The following PAF1 variants were observed in gnomAD, a reference collection of about 807,000 sequenced individuals.
PAF1 encodes RNA polymerase II-associated factor 1 homolog.
A neutral mutation model predicts 68.4 loss-of-function variants in PAF1; 31 were observed. That is an observed-to-expected ratio of 0.45 (90% CI 0.34 to 0.61). The LOEUF is 0.61. PAF1 is among the 20% of genes least tolerant of loss of function. The probability of loss-of-function intolerance (pLI) is 0.01; values close to 1 mark genes in which losing one functional copy is unlikely to be tolerated. For synonymous variants in PAF1, 256 were observed against 240.5 expected, an observed-to-expected ratio of 1.06 and a Z score of -0.60; for missense variants, 435 against 692.9, an observed-to-expected ratio of 0.63 and a Z score of 4.18.
chr19:39,389,913 T>A lies in PAF1; in HGVS notation c.171-152A>T. 1.8e-6 allele frequency: 2 copies of A among 1,134,906 alleles called. No homozygotes were observed. The highest frequency in any genetic ancestry group is 4.7e-5 in the East Asian group (2 of 42,602). The allele number at this position is 1,134,906 out of a possible 1,614,324, so 70.3% of individuals were successfully genotyped here. The stretch of plus-strand genomic sequence containing the variant: ...AGCTGGCTCCCCAGTGGGAAGGGAC[T>A]TGGACACTGCTTGCTCCATTAACAA... On this transcript the variant is annotated intron_variant, in intron 3 of 13. Transcript: ENST00000221265. This position sits in a 1 kb window ranked among gnomAD's most constrained non-coding sequence, Gnocchi z 5.3.
rs752590114 is a variant in PAF1, at chr19:39,389,728, T to C, written c.204A>G (p.Lys68=). Residue 68 remains lysine, a synonymous_variant, in exon 4 of 14, where the codon AAA becomes AAG. Coordinates refer to ENST00000221265, the MANE Select transcript of PAF1 (RefSeq NM_019088.4). This position sits in a 1 kb window ranked among gnomAD's most constrained non-coding sequence, Gnocchi z 5.3. ...FVQYKATSLE[K]QHKHDLLTEP... Reference sequence around the variant, plus strand: ...CAGTCAGGAGGTCATGTTTGTGCTGTTTCTCCAAGGAAGTGGCTTTGTACT... The same window carrying C: ...CAGTCAGGAGGTCATGTTTGTGCTGCTTCTCCAAGGAAGTGGCTTTGTACT... 2 of 1,614,104 alleles carry C rather than the reference T, an allele frequency of 1.2e-6. No homozygotes were observed. The highest frequency in any genetic ancestry group is 1.7e-6 in the Non-Finnish European group (2 of 1,179,988).
At position 39,389,782 on chromosome 19, in the gene PAF1, T is replaced by C. The variant is rs1568375091; in HGVS notation, c.171-21A>G. The stretch of plus-strand genomic sequence containing the variant: ...CGAACCTGGGTGGGGAAACACCTAT[T>C]GTGGTGTTTGGATTCCAGCTTCACC... On this transcript the variant is annotated intron_variant, in intron 3 of 13. Coordinates refer to ENST00000221265, the MANE Select transcript of PAF1 (RefSeq NM_019088.4). This position sits in a 1 kb window ranked among gnomAD's most constrained non-coding sequence, Gnocchi z 5.3. 6 of 1,613,722 alleles carry C rather than the reference T, an allele frequency of 3.7e-6. No individual in the cohort carries two copies. Among genetic ancestry groups the C allele is most frequent in the Non-Finnish European group, 5.1e-6 (6 of 1,179,856 alleles).
Position 39,386,651 on chromosome 19 carries a change from A to G in PAF1, c.1092+43T>C. The G allele has an allele frequency of 6.3e-7, 1 of 1,598,424 alleles. No individual in the cohort carries two copies. Among genetic ancestry groups the G allele is most frequent in the Non-Finnish European group, 8.6e-7 (1 of 1,166,130 alleles). ...GTCCCCCTCCTCACCTACAACCACCACCCTCCCTGCCATGGGTGCCCTGAG... is the reference window on the plus strand; with the variant it reads ...GTCCCCCTCCTCACCTACAACCACCGCCCTCCCTGCCATGGGTGCCCTGAG... On this transcript the variant is annotated intron_variant, in intron 12 of 13. Transcript: ENST00000221265. This position sits in a 1 kb window ranked among gnomAD's most constrained non-coding sequence, Gnocchi z 6.1.
intron 11 of PAF1, chr19:39,387,241 T>C (rs1198463271): frequency 4.9e-6 from 2 of 408,454 alleles, no homozygotes; most frequent in East Asian, 7.2e-5. Context: ...CAGGCAATTG[T>C]AATACAATAG....
chr19:39,389,694 G>A lies in PAF1; in HGVS notation c.238C>T (p.Leu80=). The A allele has an allele frequency of 1.2e-6, 2 of 1,614,174 alleles. No homozygotes were observed. The highest frequency in any genetic ancestry group is 1.7e-6 in the Non-Finnish European group (2 of 1,180,012). The change falls in exon 4 of 14, where the codon CTG becomes TTG. Residue 80 remains leucine, a synonymous_variant. Transcript: ENST00000221265. The surrounding 1 kb of genome is among the most constrained non-coding windows in gnomAD (Gnocchi z 5.3). ...HKHDLLTEPD[L]GVTIDLINPD... Reference sequence around the variant, plus strand: ...TTGATGAGATCGATGGTGACCCCCAGGTCTGGCTCAGTCAGGAGGTCATGT... The same window carrying A: ...TTGATGAGATCGATGGTGACCCCCAAGTCTGGCTCAGTCAGGAGGTCATGT...
At chr19:39,387,485 T>C (rs755137031) in intron 11 of PAF1, among the ~76,000 whole-genome samples, 1 of 152,150 alleles carries the variant, frequency 6.6e-6, no homozygotes, top group Non-Finnish European at 1.5e-5. Context: ...TGGAAGTGAA[T>C]AGTGCCCTCC....
At chr19:39,390,204 C>G in intron 2 of PAF1, 43 bp from the exon 3 acceptor site, 1 of 1,612,802 alleles carries the variant, frequency 6.2e-7, no homozygotes, top group Non-Finnish European at 8.5e-7. Flanking sequence ...CGCTGCCCCA[C>G]CTCTGCTCCC....
At chr19:39,388,142 A>G (rs2078293658) in intron 11 of PAF1, among the ~76,000 whole-genome samples, 197 bp downstream of exon 11, 1 of 152,088 alleles carries the variant, frequency 6.6e-6, no homozygotes, top group Non-Finnish European at 1.5e-5. Context: ...CTCCATCTCA[A>G]AAAAAAAGAT....
At chr19:39,388,051 G>A (rs2078291554) in intron 11 of PAF1, among the ~76,000 whole-genome samples, 1 of 152,190 alleles carries the variant, frequency 6.6e-6, no homozygotes, top group Non-Finnish European at 1.5e-5. Flanking sequence ...TGAGGCAGGA[G>A]AATCACTTGA....
rs2078317548 is a variant in PAF1 at position 39,389,141 on chromosome 19, A to G, written c.519T>C (p.Asp173=). 2 of 1,614,110 alleles carry G rather than the reference A, an allele frequency of 1.2e-6. No individual in the cohort carries two copies. The highest frequency in any genetic ancestry group is 1.7e-6 in the Non-Finnish European group (2 of 1,180,002). The part of the protein sequence containing the change: ...FTEEEIYKDR[D]SQITAIEKTF... ...TCTTCTCAATGGCTGTGATCTGGCT[A>G]TCCCTGTCTTTGTATATTTCTTCCT... Residue 173 remains aspartate, a synonymous_variant, in exon 7 of 14, where the codon GAT becomes GAC. Transcript: ENST00000221265. This position sits in a 1 kb window ranked among gnomAD's most constrained non-coding sequence, Gnocchi z 5.3.
intron 11 of PAF1, among the ~76,000 whole-genome samples, chr19:39,387,971 CTA>C (rs1000536828): frequency 6.6e-6 from 1 of 152,112 alleles, no homozygotes; most frequent in Non-Finnish European, 1.5e-5. Flanking sequence ...AACCCCATCT[CTA>C]TTAAAAATAC....
rs1029049155 is a variant in PAF1, at chr19:39,391,087, C to G, written c.-223G>C. ...GGACGGACTCGAAGCTCCGGTTCCACCAACTGCCGCCAAGACGCTGAGGAC... is the reference window on the plus strand; with the variant it reads ...GGACGGACTCGAAGCTCCGGTTCCAGCAACTGCCGCCAAGACGCTGAGGAC... On this transcript the variant is annotated 5_prime_UTR_variant, in exon 1 of 14. Transcript: ENST00000221265. 8.0e-6 allele frequency: 5 copies of G among 628,384 alleles called. No homozygotes were observed. In the African/African-American group the frequency reaches 9.2e-5, roughly 12 times the overall value. 38.9% of individuals were successfully genotyped at this position (628,384 alleles called of 1,614,324 possible).
Position 39,389,414 on chromosome 19 carries a change from C to T in PAF1, c.360-31G>A. 1.2e-6 allele frequency: 2 copies of T among 1,611,460 alleles called. No individual in the cohort carries two copies. The highest frequency in any genetic ancestry group is 1.1e-5 in the South Asian group (1 of 91,026). On this transcript the variant is annotated intron_variant, in intron 5 of 13. Transcript: ENST00000221265. The surrounding 1 kb of genome is among the most constrained non-coding windows in gnomAD (Gnocchi z 5.3). ...GTGGGAAATCAGGTATCTCAGGACC[C>T]CACTGCCCTCCTGCTTGTAGGGCCC...
intron 1 of PAF1, among the ~76,000 whole-genome samples, chr19:39,390,605 G>A (rs1194237223): frequency 1.3e-5 from 2 of 152,132 alleles, no homozygotes; most frequent in African/African-American, 2.4e-5. Context: ...GTTGACTGGA[G>A]GGATCCCTTC....
chr19:39,388,939 G>A lies in PAF1; in HGVS notation c.636+8C>T, dbSNP rs370627210. 5.5e-5 allele frequency: 89 copies of A among 1,613,870 alleles called. No individual in the cohort carries two copies. In the African/African-American group the frequency reaches 8.9e-4, roughly 16 times the overall value. On this transcript the variant is annotated splice_region_variant and intron_variant, in intron 8 of 13. Transcript: ENST00000221265. ...CTGTCCCTTTCTACCTCCCACCTTG[G>A]GCCTGACCTTAAAGTCTGGGAAGAC...
Position 39,388,687 on chromosome 19 carries a change from G to A in PAF1, c.741-11C>T, listed in dbSNP as rs1600611345. The stretch of plus-strand genomic sequence containing the variant: ...TCATCCATCATGCCCCTGGTTGGGG[G>A]AAAAGGAGTAGCAATGAAGTGTGAG... On this transcript the variant is annotated splice_polypyrimidine_tract_variant and intron_variant, in intron 9 of 13. Coordinates refer to ENST00000221265, the MANE Select transcript of PAF1 (RefSeq NM_019088.4). 6.2e-7 allele frequency: 1 copy of A among 1,612,980 alleles called. No individual in the cohort carries two copies. The highest frequency in any genetic ancestry group is 8.5e-7 in the Non-Finnish European group (1 of 1,178,940).
Position 39,389,586 on chromosome 19 carries a change from C to T in PAF1, c.293-40G>A. The T allele has an allele frequency of 1.9e-6, 3 of 1,614,120 alleles. No individual in the cohort carries two copies. The highest frequency in any genetic ancestry group is 2.2e-5 in the East Asian group (1 of 44,878). ...GGGGCAGGAGGACCATGAGGGAGGC[C>T]CAGGCCTGAGCCTTTGCTGACCTAG... On this transcript the variant is annotated intron_variant, in intron 4 of 13. Transcript: ENST00000221265. The surrounding 1 kb of genome is among the most constrained non-coding windows in gnomAD (Gnocchi z 5.3).
intron 10 of PAF1, 43 bp from the exon 11 acceptor site, chr19:39,388,510 C>G (rs1443377378): frequency 6.2e-7 from 1 of 1,612,902 alleles, no homozygotes; most frequent in Non-Finnish European, 8.5e-7. Flanking sequence ...CTTCCCTATC[C>G]CAATCCCCAA....
Position 39,390,828 on chromosome 19 carries a change from C to T in PAF1, c.37G>A (p.Asp13Asn), listed in dbSNP as rs1346498653. The T allele has an allele frequency of 1.3e-6, 2 of 1,586,128 alleles. No homozygotes were observed. Among genetic ancestry groups the T allele is most frequent in the Admixed American group, 1.8e-5 (1 of 56,010 alleles). Reference protein sequence around the residue: ...PTIQTQAQREDGHRPNSHRTL... With the variant: ...PTIQTQAQRENGHRPNSHRTL... ...AAGCGTGGCGCCTACCTGTGGCCAT[C>T]CTCCCGCTGGGCCTGGGTCTGGATG... The change falls in exon 1 of 14, where the codon GAT (aspartate) becomes AAT (asparagine). Residue 13 changes from aspartate (D) to asparagine (N), a missense_variant. This residue lies in a region of PAF1 where 38 missense variants were observed against 33.9 expected (regional missense o/e 1.12). Coordinates refer to ENST00000221265, the MANE Select transcript of PAF1 (RefSeq NM_019088.4).
Sources: gnomAD v4.1 joint callset for allele counts (sites outside exome capture counted in the v4.1 genomes callset) on GRCh38, gnomAD v4.1.1 for gene constraint, gnomAD v4.1.1 regional missense constraint, Gnocchi (gnomAD v3.1) non-coding constraint, MANE v1.5 for transcripts, NCBI Gene and HGNC (gene_info 2026-07-23, HGNC 2026-07-21) for gene names.